Variants in TTN observed in about 807,000 individuals in gnomAD.
TTN encodes the protein connectin.
Under a neutral mutation model 3,223.0 loss-of-function variants are expected in TTN, and 1,525 were observed. The ratio of observed to expected loss-of-function variants is 0.47; its 90% CI spans 0.45 to 0.49. The LOEUF is 0.49. Among genes scored for constraint, TTN ranks in the 20% least tolerant of loss-of-function variants. TTN has a pLI of 0.00. For missense variants in TTN, 40,786 were observed against 43,424.0 expected, an observed-to-expected ratio of 0.94 and a Z score of 5.40; for synonymous variants, 14,094 against 15,161.0, an observed-to-expected ratio of 0.93 and a Z score of 5.17.
In TTN at chr2:178,547,254, G is replaced by A. The variant is rs1178719189; in HGVS notation, c.94271C>T (p.Ala31424Val). The A allele has an allele frequency of 6.2e-7, 1 of 1,613,738 alleles. No homozygotes were observed. The highest frequency in any genetic ancestry group is 8.5e-7 in the Non-Finnish European group (1 of 1,179,718). ...GGGTTCTTCCCAACGAATAGACATGGCATTGGCAGACACATGGTAGACCTC... is the reference window on the plus strand; with the variant it reads ...GGGTTCTTCCCAACGAATAGACATGACATTGGCAGACACATGGTAGACCTC... ...RPEVYHVSAN[A>V]MSIRWEEPYH... Residue 31424 changes from alanine (A) to valine (V), a missense_variant, in exon 340 of 363, where the codon GCC (alanine) becomes GTC (valine). Coordinates refer to ENST00000589042, the MANE Select transcript of TTN (RefSeq NM_001267550.2).
chr2:178,776,683 T>C lies in TTN; in HGVS notation c.5181A>G (p.Thr1727=). 1 of 1,614,084 alleles carries C rather than the reference T, an allele frequency of 6.2e-7. No individual in the cohort carries two copies. Among genetic ancestry groups the C allele is most frequent in the Non-Finnish European group, 8.5e-7 (1 of 1,179,996 alleles). Residue 1727 remains threonine, a synonymous_variant, in exon 28 of 363, where the codon ACA becomes ACG. Transcript: ENST00000589042. ...FGPAHFECRL[T]PIGDPTMVVE... ...CCACCATCGTTGGGTCACCAATGGG[T>C]GTTAGCCTGCATTCAAAGTGGGCAG...
At position 178,684,341 on chromosome 2, in the gene TTN, G is replaced by T. The variant is rs938347783; in HGVS notation, c.32711C>A (p.Pro10904Gln). 29 of 1,613,308 alleles carry T rather than the reference G, an allele frequency of 1.8e-5. No individual in the cohort carries two copies. Among genetic ancestry groups the T allele is most frequent in the Non-Finnish European group, 2.5e-5 (29 of 1,179,574 alleles). ...LVAVTKKEAP[P>Q]KARVPEEPKR... is the part of the protein sequence containing the mutation. ...AAGGGCGGATGTACCTCTTGCTTTT[G>T]GAGGCGCCTCTTTTTTAGTTACAGC... Residue 10904 changes from proline (P) to glutamine (Q), a missense_variant, in exon 132 of 363, where the codon CCA becomes CAA. Transcript: ENST00000589042.
At chr2:178,650,602 T>C (rs1434893248) in intron 209 of TTN, 149 bp downstream of exon 209, 1 of 831,688 alleles carries the variant, frequency 1.2e-6, no homozygotes, top group Non-Finnish European at 1.8e-6. Context: ...AGATTTGAGA[T>C]TGGAGCTAAT....
rs1064795940 is a variant in TTN at position 178,636,806 on chromosome 2, CAAAGT to C, written c.40928-12_40928-8del. 5 of 1,551,906 alleles carry C rather than the reference CAAAGT, an allele frequency of 3.2e-6. No homozygotes were observed. In the Admixed American group the frequency reaches 1.0e-4, roughly 31 times the overall value. On this transcript the variant is annotated splice_region_variant and splice_polypyrimidine_tract_variant and intron_variant, in intron 224 of 362. Coordinates refer to ENST00000589042, the MANE Select transcript of TTN (RefSeq NM_001267550.2). The surrounding 1 kb of genome is among the most constrained non-coding windows in gnomAD (Gnocchi z 4.3). ...GGAGTCTTTTTGGGTACACCTAATTCAAAGTAAAATAAAAAGTTGATTTGGCATCT... is the reference window on the plus strand; with the variant it reads ...GGAGTCTTTTTGGGTACACCTAATTCAAAATAAAAAGTTGATTTGGCATCT...
At position 178,720,166 on chromosome 2, in the gene TTN, C is replaced by A. The variant is rs746798612; in HGVS notation, c.23476G>T (p.Val7826Phe). The A allele has an allele frequency of 6.8e-6, 11 of 1,613,744 alleles. No individual in the cohort carries two copies. Among genetic ancestry groups the A allele is most frequent in the Non-Finnish European group, 8.5e-6 (10 of 1,179,736 alleles). ...AIVEGFQPIS[V>F]VWLKDRGEVI... Reference sequence around the variant, plus strand: ...TCACCTCTATCTTTCAGCCAGACAACAGAAATTGGCTGGAAGCCCTCCACT... The same window carrying A: ...TCACCTCTATCTTTCAGCCAGACAAAAGAAATTGGCTGGAAGCCCTCCACT... Residue 7826 changes from valine to phenylalanine, a missense_variant, in exon 81 of 363, where the codon GTT (valine) becomes TTT (phenylalanine). Coordinates refer to ENST00000589042, the MANE Select transcript of TTN (RefSeq NM_001267550.2).
chr2:178,760,845 AG>A (rs759497746), intron 43 of TTN: 4 of 96,906 alleles, frequency 4.1e-5, no homozygotes, highest in African/African-American at 1.2e-4. Context: ...GTTTGTGTGA[AG>A]GGGTGTGTGT....
At chr2:178,794,776 T>C in intron 7 of TTN, 146 bp downstream of exon 7, 7 of 1,147,584 alleles carry the variant, frequency 6.1e-6, no homozygotes, top group Admixed American at 4.1e-5. Context: ...AAAGCATGAC[T>C]ACTGAATTTG....
At chr2:178,610,907 C>T in intron 270 of TTN, 86 bp downstream of exon 270, 1 of 1,527,098 alleles carries the variant, frequency 6.5e-7, no homozygotes, top group East Asian at 2.3e-5. Flanking sequence ...GTTCATGAAG[C>T]CAATTATATT....
rs369418580 is a variant in TTN at position 178,547,285 on chromosome 2, T to C, written c.94240A>G (p.Arg31414Gly). ...HPFVPPSAPT[R>G]PEVYHVSANA... ...GCAGACACATGGTAGACCTCAGGTC[T>C]GGTAGGAGCGCTTGGTGGGACTAAA... The change falls in exon 340 of 363, where the codon AGA (arginine) becomes GGA (glycine). Residue 31414 changes from arginine (R) to glycine (G), a missense_variant. Arg to Gly is a moderately radical substitution (Grantham distance 125, BLOSUM62 -2). Transcript: ENST00000589042. 29 of 1,609,976 alleles carry C rather than the reference T, an allele frequency of 1.8e-5. No individual in the cohort carries two copies. Among genetic ancestry groups the C allele is most frequent in the Non-Finnish European group, 2.1e-5 (25 of 1,177,510 alleles).
rs781202077 is a variant in TTN, at chr2:178,725,489, A to C, written c.20715T>G (p.Phe6905Leu). 6.2e-7 allele frequency: 1 copy of C among 1,613,366 alleles called. No individual in the cohort carries two copies. The highest frequency in any genetic ancestry group is 8.5e-7 in the Non-Finnish European group (1 of 1,179,544). The change falls in exon 71 of 363, where the codon TTT becomes TTG. Residue 6905 changes from phenylalanine to leucine, a missense_variant. Phe to Leu is a conservative substitution (Grantham distance 22). Transcript: ENST00000589042. ...IRESENIRIT[F>L]VENVATLQFA... ...ACTGTAGAGTTGCAACATTTTCCACAAATGTAATCCTGATGTTTTCACTTT... is the reference window on the plus strand; with the variant it reads ...ACTGTAGAGTTGCAACATTTTCCACCAATGTAATCCTGATGTTTTCACTTT...
At chr2:178,761,343 G>A (rs1455651295) in intron 43 of TTN, among the ~76,000 whole-genome samples, 2 of 152,122 alleles carry the variant, frequency 1.3e-5, no homozygotes, top group Non-Finnish European at 2.9e-5. Flanking sequence ...ATCCTGCAGT[G>A]TCTCCTAAAT....
intron 47 of TTN, chr2:178,751,535 G>T (rs1434043463): frequency 2.5e-6 from 4 of 1,613,346 alleles, no homozygotes; most frequent in Non-Finnish European, 1.7e-6. Flanking sequence ...TTCAACTAAA[G>T]CCTCCACATT....
Position 178,527,607 on chromosome 2 carries a change from G to A in TTN, c.107519C>T (p.Ala35840Val). Residue 35840 changes from alanine to valine, a missense_variant, in exon 362 of 363, where the codon GCT (alanine) becomes GTT (valine). Transcript: ENST00000589042. ...AAATTTCATCTCAGTCATGCTGCTA[G>A]CACTGCTGCTGCTGAAACTGCTGAA... Reference protein sequence around the residue: ...ASFSSFSSSSASSMTEMKFAS... With the variant: ...ASFSSFSSSSVSSMTEMKFAS... 1.2e-6 allele frequency: 2 copies of A among 1,614,000 alleles called. No individual in the cohort carries two copies. Among genetic ancestry groups the A allele is most frequent in the East Asian group, 4.5e-5 (2 of 44,888 alleles).
In TTN at chr2:178,740,077, C is replaced by G. The variant is rs770217421; in HGVS notation, c.13156G>C (p.Gly4386Arg). ...DLLSKESLLSGIPEEQRLNLK... is the reference protein window; with the variant it reads ...DLLSKESLLSRIPEEQRLNLK... ...TTTAATCTCTGCTCTTCTGGAATAC[C>G]AGAAAGCAAGCTTTCCTTAGAAAGA... Residue 4386 changes from glycine (G) to arginine (R), a missense_variant, in exon 48 of 363, where the codon GGT becomes CGT. Physicochemically the swap from Gly to Arg is moderately radical, Grantham distance 125. Coordinates refer to ENST00000589042, the MANE Select transcript of TTN (RefSeq NM_001267550.2). The G allele has an allele frequency of 6.2e-7, 1 of 1,613,806 alleles. No homozygotes were observed. Among genetic ancestry groups the G allele is most frequent in the Admixed American group, 1.7e-5 (1 of 59,986 alleles).
chr2:178,594,469 C>T lies in TTN; in HGVS notation c.58025G>A (p.Arg19342Lys). 1 of 1,613,374 alleles carries T rather than the reference C, an allele frequency of 6.2e-7. No homozygotes were observed. The highest frequency in any genetic ancestry group is 8.5e-7 in the Non-Finnish European group (1 of 1,179,560). ...HKVTNDNLLS[R>K]KYTVKGLKEG... ...TTTTAAGCCTTTAACAGTGTATTTT[C>T]TGCTAAGCAAGTTGTCATTTGTAAC... is the stretch of plus-strand genomic sequence containing the variant. Residue 19342 changes from arginine to lysine, a missense_variant, in exon 296 of 363, where the codon AGA becomes AAA. Transcript: ENST00000589042.
rs779364355 is a variant in TTN, at chr2:178,615,740, G to C, written c.48361C>G (p.Gln16121Glu). ...ACTTTAAATAAGTACTCTTTTCCTT[G>C]AACAAGATCAGGAACTGTGAATTCT... ...DLEFTVPDLV[Q>E]GKEYLFKVCA... Residue 16121 changes from glutamine to glutamate, a missense_variant, in exon 258 of 363, where the codon CAA becomes GAA. Transcript: ENST00000589042. The C allele has an allele frequency of 8.7e-6, 14 of 1,611,930 alleles. No individual in the cohort carries two copies. In the East Asian group the frequency reaches 2.9e-4, roughly 34 times the overall value.
At position 178,533,883 on chromosome 2, in the gene TTN, A is replaced by C. The variant is rs1476196408; in HGVS notation, c.102732T>G (p.Ile34244Met). The C allele has an allele frequency of 1.2e-6, 2 of 1,613,654 alleles. No individual in the cohort carries two copies. Among genetic ancestry groups the C allele is most frequent in the African/African-American group, 2.7e-5 (2 of 74,868 alleles). ...DYYCRRTMKK[I>M]KRRTDTMRLL... ...GTCTCATTGTGTCTGTTCTGCGCTT[A>C]ATTTTCTTCATGGTTCTACGGCAGT... Residue 34244 changes from isoleucine (I) to methionine (M), a missense_variant, in exon 358 of 363, where the codon ATT becomes ATG. Transcript: ENST00000589042.
Position 178,594,021 on chromosome 2 carries a change from A to G in TTN, c.58372T>C (p.Cys19458Arg), listed in dbSNP as rs867494706. ...CCTGTACTGTTCTCCACAACCACACAGTATTTGCCGGAATCTGAACGTTTG... is the reference window on the plus strand; with the variant it reads ...CCTGTACTGTTCTCCACAACCACACGGTATTTGCCGGAATCTGAACGTTTG... ...KAKRSDSGKY[C>R]VVVENSTGSR... Residue 19458 changes from cysteine (C) to arginine (R), a missense_variant, in exon 297 of 363, where the codon TGT (cysteine) becomes CGT (arginine). Cys to Arg is a radical substitution (Grantham distance 180, BLOSUM62 -3). Coordinates refer to ENST00000589042, the MANE Select transcript of TTN (RefSeq NM_001267550.2). 1 of 1,613,590 alleles carries G rather than the reference A, an allele frequency of 6.2e-7. No homozygotes were observed. Among genetic ancestry groups the G allele is most frequent in the Non-Finnish European group, 8.5e-7 (1 of 1,179,650 alleles).
chr2:178,559,255 A>G (rs1702708115), intron 326 of TTN, 56 bp downstream of exon 326: 1 of 1,449,426 alleles, frequency 6.9e-7, no homozygotes, highest in Non-Finnish European at 9.3e-7. Flanking sequence ...AATGACTCAC[A>G]CTATTCTAGC....
Sources: allele counts gnomAD v4.1 joint callset (sites outside exome capture counted in the v4.1 genomes callset), GRCh38; gene constraint gnomAD v4.1.1; non-coding constraint Gnocchi (gnomAD v3.1); transcripts MANE v1.5; gene names NCBI Gene and HGNC (gene_info 2026-07-23, HGNC 2026-07-21).